Variants in DRC8 observed in about 807,000 individuals in gnomAD.
DRC8 encodes dynein regulatory complex protein 8.
At chr1:245,002,193 A>G in the DRC8 span, 2 of 1,610,518 alleles carry the variant, frequency 1.2e-6, no homozygotes, top group Non-Finnish European at 1.7e-6. Flanking sequence ...AGGTGGAAGA[A>G]GAGACCATCA....
the DRC8 span, among the ~76,000 whole-genome samples, chr1:245,013,110 TACTC>T: frequency 4.0e-5 from 6 of 151,752 alleles, no homozygotes; most frequent in South Asian, 1.3e-3. Context: ...TCAGATGAAT[TACTC>T]AGTGTGTTGT....
the DRC8 span, among the ~76,000 whole-genome samples, chr1:245,020,238 GA>G: frequency 6.6e-6 from 1 of 152,278 alleles, no homozygotes; most frequent in East Asian, 1.9e-4. Flanking sequence ...TATTTGATTT[GA>G]AATTGTATTG....
At chr1:244,985,477 G>A in the DRC8 span, among the ~76,000 whole-genome samples, 4 of 152,182 alleles carry the variant, frequency 2.6e-5, no homozygotes, top group South Asian at 4.1e-4. Context: ...CTTACTTACC[G>A]TGTTAGGCCT....
At chr1:244,972,897 T>C in the DRC8 span, among the ~76,000 whole-genome samples, 3 of 152,158 alleles carry the variant, frequency 2.0e-5, no homozygotes, top group African/African-American at 7.2e-5. Context: ...AACAGTTTTA[T>C]GGATTAACTA....
chr1:245,099,707 AT>A, the DRC8 span, among the ~76,000 whole-genome samples: 1 of 152,244 alleles, frequency 6.6e-6, no homozygotes, highest in Admixed American at 6.5e-5. Context: ...TGAGAAGACG[AT>A]GTGAGGAAGG....
chr1:245,068,984 T>C, the DRC8 span, among the ~76,000 whole-genome samples: 3 of 152,220 alleles, frequency 2.0e-5, no homozygotes, highest in Non-Finnish European at 4.4e-5. Flanking sequence ...AAATGATTTT[T>C]CCCTTCTGTT....
chr1:245,017,108 C>T, the DRC8 span: 1 of 862,434 alleles, frequency 1.2e-6, no homozygotes, highest in Non-Finnish European at 1.7e-6. Context: ...GTTAAACATG[C>T]TAAATGATAC....
chr1:245,054,148 T>C, the DRC8 span, among the ~76,000 whole-genome samples: 1 of 152,216 alleles, frequency 6.6e-6, no homozygotes, highest in African/African-American at 2.4e-5. Context: ...TACTTCTGTT[T>C]GTTTTTTGGG....
the DRC8 span, among the ~76,000 whole-genome samples, chr1:245,027,318 T>A: frequency 3.3e-5 from 5 of 151,638 alleles, no homozygotes; most frequent in East Asian, 9.6e-4. Context: ...AATAAGTGGA[T>A]AGAAGGGTGG....
At chr1:244,985,863 C>CA in the DRC8 span, among the ~76,000 whole-genome samples, 3,900 of 137,518 alleles carry the variant, frequency 0.028, 132 homozygotes, top group East Asian at 0.14. Flanking sequence ...GACTCCATCT[C>CA]AAAAAAAAAA....
chr1:245,010,503 G>A, the DRC8 span, among the ~76,000 whole-genome samples: 1 of 152,138 alleles, frequency 6.6e-6, no homozygotes, highest in Non-Finnish European at 1.5e-5. Context: ...GTGCAGAACA[G>A]GAGGCCTGCC....
the DRC8 span, among the ~76,000 whole-genome samples, chr1:244,980,074 C>CTGGGCG: frequency 1.8e-5 from 1 of 56,826 alleles, no homozygotes; most frequent in South Asian, 7.7e-4. Context: ...AAAAAATTAG[C>CTGGGCG]TGGGCGTGGT....
chr1:245,067,802 A>G, the DRC8 span, among the ~76,000 whole-genome samples: 1 of 152,164 alleles, frequency 6.6e-6, no homozygotes, highest in Non-Finnish European at 1.5e-5. Context: ...AGTTTCTCAG[A>G]GAATGAGAAA....
At chr1:245,083,153 C>T in the DRC8 span, among the ~76,000 whole-genome samples, 1 of 152,192 alleles carries the variant, frequency 6.6e-6, no homozygotes, top group Non-Finnish European at 1.5e-5. Flanking sequence ...CCGAACTCCG[C>T]CTCCTGTCTG....
chr1:244,996,269 A>G, the DRC8 span, among the ~76,000 whole-genome samples: 1 of 150,268 alleles, frequency 6.7e-6, no homozygotes, highest in Non-Finnish European at 1.5e-5. Flanking sequence ...TTCCCGCAGG[A>G]CTCGTGATAA....
the DRC8 span, among the ~76,000 whole-genome samples, chr1:245,116,012 G>C: frequency 6.6e-6 from 1 of 151,376 alleles, no homozygotes; most frequent in Non-Finnish European, 1.5e-5. Flanking sequence ...TCAGCCTCCT[G>C]AGTAGCTGGG....
chr1:245,011,558 T>C, the DRC8 span, among the ~76,000 whole-genome samples: 3 of 152,252 alleles, frequency 2.0e-5, no homozygotes, highest in African/African-American at 7.2e-5. Flanking sequence ...TTATCTGAAA[T>C]GCCTGGGACC....
At chr1:245,094,027 A>G in the DRC8 span, among the ~76,000 whole-genome samples, 1 of 152,094 alleles carries the variant, frequency 6.6e-6, no homozygotes, top group Non-Finnish European at 1.5e-5. Flanking sequence ...ATGTGTTTCC[A>G]TGCTCTGAAT....
At chr1:245,046,180 C>G in the DRC8 span, among the ~76,000 whole-genome samples, 1 of 151,922 alleles carries the variant, frequency 6.6e-6, no homozygotes, top group Non-Finnish European at 1.5e-5. Context: ...TTTTCTAGTT[C>G]CTGTCTAATG....
Sources: gnomAD v4.1 joint callset for allele counts (sites outside exome capture counted in the v4.1 genomes callset) on GRCh38, gnomAD v4.1.1 for gene constraint, MANE v1.5 for transcripts, NCBI Gene and HGNC (gene_info 2026-07-23, HGNC 2026-07-21) for gene names.